The following PLXNC1 variants were observed in gnomAD, a reference collection of about 807,000 sequenced individuals.
PLXNC1 encodes the protein plexin C1, also known as plexin-C1.
In PLXNC1, 75 loss-of-function variants were observed where a neutral mutation model predicts 178.2. The observed-to-expected ratio is 0.42, with a 90% CI of 0.35 to 0.51. The LOEUF (loss-of-function observed/expected upper bound fraction) is 0.51, where lower values mean the gene tolerates loss of function less well. Ranked by LOEUF, PLXNC1 falls within the 20% of genes least tolerant of loss-of-function variation. PLXNC1 has a pLI of 0.02. For missense variants in PLXNC1, 1,503 were observed against 1,984.4 expected (o/e 0.76, Z 4.61); for synonymous variants, 790 against 779.9 (o/e 1.01, Z -0.22).
At chr12:94,264,208 ACAGAACACAC>A (rs747455759) in intron 20 of PLXNC1, among the ~76,000 whole-genome samples, 12 of 152,244 alleles carry the variant, frequency 7.9e-5, no homozygotes, top group Non-Finnish European at 1.3e-4. Flanking sequence ...TGCCGTGGAA[ACAGAACACAC>A]CGCCTCCCAC....
chr12:94,185,236 G>A (rs1396698785), intron 3 of PLXNC1, among the ~76,000 whole-genome samples: 1 of 152,164 alleles, frequency 6.6e-6, no homozygotes, highest in Non-Finnish European at 1.5e-5. Context: ...GAAATGGAAG[G>A]GCGTGGTTAT....
At chr12:94,291,868 G>A (rs991247091) in intron 23 of PLXNC1, among the ~76,000 whole-genome samples, 8 of 152,080 alleles carry the variant, frequency 5.3e-5, no homozygotes, top group South Asian at 4.1e-4. Flanking sequence ...CCCAGTGAAC[G>A]TAGTACCCAA....
intron 19 of PLXNC1, 82 bp downstream of exon 19, chr12:94,259,816 C>G (rs770648516): frequency 7.9e-7 from 1 of 1,272,940 alleles, no homozygotes; most frequent in South Asian, 1.8e-5. Context: ...GTAATCCCAG[C>G]ATTTTGGGAG....
At chr12:94,228,403 T>C (rs1157709904) in intron 9 of PLXNC1, among the ~76,000 whole-genome samples, 4 of 152,136 alleles carry the variant, frequency 2.6e-5, no homozygotes, top group African/African-American at 9.7e-5. Flanking sequence ...TGTTTGTTTG[T>C]TTTTTCGTTT....
chr12:94,217,312 C>T (rs1488644683), intron 5 of PLXNC1, among the ~76,000 whole-genome samples: 12 of 152,188 alleles, frequency 7.9e-5, no homozygotes, highest in African/African-American at 2.9e-4. Context: ...CCCTTCCCTC[C>T]CTGTCTCTAA....
chr12:94,242,204 G>A (rs1282804315), intron 11 of PLXNC1, among the ~76,000 whole-genome samples: 5 of 151,536 alleles, frequency 3.3e-5, no homozygotes, highest in Admixed American at 3.3e-4. Context: ...GGTAAGATTG[G>A]TTTCTCCTGA....
chr12:94,245,797 A>G (rs1964514002), intron 12 of PLXNC1, among the ~76,000 whole-genome samples: 1 of 152,176 alleles, frequency 6.6e-6, no homozygotes, highest in South Asian at 2.1e-4. Context: ...TGGGTCTGGA[A>G]TGACCAAGAG....
chr12:94,153,025 C>A (rs529526039), intron 1 of PLXNC1, among the ~76,000 whole-genome samples: 32 of 152,360 alleles, frequency 2.1e-4, no homozygotes, highest in South Asian at 1.9e-3. Flanking sequence ...TTTCTGTAGA[C>A]CCTCTCTCTA....
chr12:94,265,789 T>C (rs747311968), intron 21 of PLXNC1, among the ~76,000 whole-genome samples: 5 of 152,218 alleles, frequency 3.3e-5, no homozygotes, highest in Admixed American at 6.5e-5. Flanking sequence ...AGGAAGATGA[T>C]TGCCTAGCTG....
chr12:94,259,505 T>C, intron 18 of PLXNC1, 105 bp from the exon 19 acceptor site: 1 of 1,144,730 alleles, frequency 8.7e-7, no homozygotes, highest in East Asian at 2.6e-5. Flanking sequence ...ATGAATTCAA[T>C]ATTGAATAAT....
intron 28 of PLXNC1, among the ~76,000 whole-genome samples, chr12:94,303,536 G>T (rs1013108853): frequency 1.6e-4 from 24 of 152,070 alleles, no homozygotes; most frequent in Non-Finnish European, 7.4e-5. Flanking sequence ...CATTTAATCT[G>T]CCTGAAAATA....
intron 16 of PLXNC1, 62 bp downstream of exon 16, chr12:94,254,950 T>C (rs1964799851): frequency 2.3e-5 from 30 of 1,306,218 alleles, no homozygotes; most frequent in Non-Finnish European, 3.2e-5. Flanking sequence ...TTTATTTTTT[T>C]ACCCTTACAT....
At chr12:94,157,678 CT>C (rs1205782906) in intron 1 of PLXNC1, among the ~76,000 whole-genome samples, 1 of 152,158 alleles carries the variant, frequency 6.6e-6, no homozygotes, top group African/African-American at 2.4e-5. Context: ...AGAGAAGTTA[CT>C]AGGGGGATGT....
At chr12:94,268,821 C>CT (rs533837772) in intron 21 of PLXNC1, among the ~76,000 whole-genome samples, 1 of 152,034 alleles carries the variant, frequency 6.6e-6, no homozygotes. Context: ...TCTTGAACTC[C>CT]TGGCCTCAAG....
intron 1 of PLXNC1, among the ~76,000 whole-genome samples, chr12:94,150,535 T>C (rs1960919873): frequency 6.6e-6 from 1 of 152,174 alleles, no homozygotes; most frequent in South Asian, 2.1e-4. Flanking sequence ...TGTGGCCCCC[T>C]GTCTCCGCCC....
intron 4 of PLXNC1, among the ~76,000 whole-genome samples, chr12:94,187,204 CA>C (rs1395980723): frequency 4.9e-5 from 7 of 142,012 alleles, no homozygotes; most frequent in Non-Finnish European, 7.8e-5. Flanking sequence ...AAAAAAAACC[CA>C]TAACAGTGTC....
At chr12:94,200,784 GC>G (rs1963091583) in intron 4 of PLXNC1, among the ~76,000 whole-genome samples, 1 of 152,016 alleles carries the variant, frequency 6.6e-6, no homozygotes, top group African/African-American at 2.4e-5. Flanking sequence ...TACACTCATT[GC>G]CCACAAAAGA....
intron 30 of PLXNC1, 63 bp from the exon 31 acceptor site, chr12:94,305,118 C>T: frequency 9.8e-7 from 1 of 1,022,094 alleles, no homozygotes; most frequent in Non-Finnish European, 1.5e-6. Context: ...ATCAGGTATG[C>T]AAAAAACAGA....
intron 9 of PLXNC1, among the ~76,000 whole-genome samples, chr12:94,231,628 G>C (rs118076962): frequency 6.6e-6 from 1 of 152,128 alleles, no homozygotes; most frequent in South Asian, 2.1e-4. Context: ...ACCCTGAAAC[G>C]TATAGCGTCA....
Sources: allele counts gnomAD v4.1 joint callset (sites outside exome capture counted in the v4.1 genomes callset), GRCh38; gene constraint gnomAD v4.1.1; transcripts MANE v1.5; gene names NCBI Gene and HGNC (gene_info 2026-07-23, HGNC 2026-07-21).